The following TNPO3 variants were observed in gnomAD, a reference collection of about 807,000 sequenced individuals.
The protein encoded by TNPO3 is transportin-3.
Under a neutral mutation model 122.8 loss-of-function variants are expected in TNPO3, and 65 were observed. That is an observed-to-expected ratio of 0.53 (90% CI 0.43 to 0.65). The LOEUF (loss-of-function observed/expected upper bound fraction) is 0.65, where lower values mean the gene tolerates loss of function less well. TNPO3 is among the 30% of genes least tolerant of loss of function. The pLI, the probability that TNPO3 is intolerant of heterozygous loss-of-function variation, is 0.00. For synonymous variants in TNPO3, 372 were observed against 411.2 expected (o/e 0.90, Z 1.15); for missense variants, 850 against 1,136.7 (o/e 0.75, Z 3.63).
chr7:129,012,515 C>A (rs1803334907), intron 4 of TNPO3, among the ~76,000 whole-genome samples: 1 of 152,160 alleles, frequency 6.6e-6, no homozygotes, highest in Non-Finnish European at 1.5e-5. Flanking sequence ...GGAATGCTCA[C>A]TGGAGCATTT....
chr7:128,991,076 T>C (rs1269303171), intron 10 of TNPO3, among the ~76,000 whole-genome samples: 1 of 152,200 alleles, frequency 6.6e-6, no homozygotes, highest in Admixed American at 6.5e-5. Flanking sequence ...AACCAAGACA[T>C]ATTAGTTAGA....
chr7:128,991,638 G>C (rs1042155498), intron 10 of TNPO3, among the ~76,000 whole-genome samples: 6 of 152,062 alleles, frequency 3.9e-5, no homozygotes, highest in African/African-American at 1.4e-4. Context: ...CACAAAAGCA[G>C]GAAACCCAAA....
chr7:128,959,396 ATTGTG>A (rs1315702471), intron 21 of TNPO3, among the ~76,000 whole-genome samples: 4 of 152,174 alleles, frequency 2.6e-5, no homozygotes, highest in African/African-American at 9.7e-5. Flanking sequence ...ACAGGGTCTC[ATTGTG>A]TTGCCCAGGC....
intron 1 of TNPO3, among the ~76,000 whole-genome samples, chr7:129,040,883 T>A (rs1470414030): frequency 6.6e-6 from 1 of 152,216 alleles, no homozygotes; most frequent in Non-Finnish European, 1.5e-5. Flanking sequence ...TTTCAAATAC[T>A]GTATTAGTTT....
At chr7:129,030,278 A>G (rs867428760) in intron 1 of TNPO3, 1 of 253,512 alleles carries the variant, frequency 3.9e-6, no homozygotes, top group South Asian at 5.5e-5. Context: ...CCCAAAATAT[A>G]TGTAGGTAAT....
intron 1 of TNPO3, among the ~76,000 whole-genome samples, chr7:129,021,112 T>C (rs1428294389): frequency 2.6e-5 from 4 of 151,604 alleles, no homozygotes; most frequent in African/African-American, 9.7e-5. Flanking sequence ...TCCCAGCACT[T>C]TGGGAGGCTA....
intron 1 of TNPO3, among the ~76,000 whole-genome samples, chr7:129,049,000 A>G (rs953318272): frequency 2.6e-5 from 4 of 152,210 alleles, no homozygotes; most frequent in African/African-American, 7.2e-5. Flanking sequence ...AAACACAATG[A>G]AGTAAAGTTC....
chr7:128,970,502 T>C (rs1049143102), intron 19 of TNPO3, among the ~76,000 whole-genome samples, 187 bp from the exon 20 acceptor site: 2 of 152,254 alleles, frequency 1.3e-5, no homozygotes, highest in South Asian at 4.1e-4. Context: ...CAGAAGTTTT[T>C]TGTCTTTAGA....
chr7:128,976,899 A>G (rs1195041835), intron 16 of TNPO3, among the ~76,000 whole-genome samples: 2 of 152,260 alleles, frequency 1.3e-5, no homozygotes, highest in African/African-American at 2.4e-5. Context: ...TGCTCTACTA[A>G]GGAATGATTA....
At chr7:129,050,407 G>GC (rs79518897) in intron 1 of TNPO3, among the ~76,000 whole-genome samples, 1 of 141,652 alleles carries the variant, frequency 7.1e-6, no homozygotes, top group East Asian at 2.1e-4. Context: ...AAAAAGGGTG[G>GC]GGGGGGAATC....
At chr7:129,048,465 G>A (rs1355547328) in intron 1 of TNPO3, among the ~76,000 whole-genome samples, 1 of 152,144 alleles carries the variant, frequency 6.6e-6, no homozygotes, top group African/African-American at 2.4e-5. Flanking sequence ...AGGAGGCGGA[G>A]GTTGCAGTGA....
chr7:129,047,952 G>A (rs1250740302), intron 1 of TNPO3, among the ~76,000 whole-genome samples: 1 of 152,220 alleles, frequency 6.6e-6, no homozygotes, highest in Non-Finnish European at 1.5e-5. Context: ...CAGGCACAGT[G>A]ACTCATGTCT....
At chr7:129,019,988 T>C (rs182170662) in intron 1 of TNPO3, among the ~76,000 whole-genome samples, 2 of 151,750 alleles carry the variant, frequency 1.3e-5, no homozygotes, top group Admixed American at 1.3e-4. Context: ...AGTGAGACCC[T>C]AAAAAAACTT....
At chr7:129,041,128 G>C (rs1303547437) in intron 1 of TNPO3, among the ~76,000 whole-genome samples, 1 of 152,164 alleles carries the variant, frequency 6.6e-6, no homozygotes, top group Non-Finnish European at 1.5e-5. Flanking sequence ...GCTTTCAGAG[G>C]CCTAGGCAGG....
At chr7:128,964,818 G>T (rs947484045) in intron 21 of TNPO3, among the ~76,000 whole-genome samples, 2 of 152,092 alleles carry the variant, frequency 1.3e-5, no homozygotes, top group Admixed American at 6.6e-5. Flanking sequence ...TTTCAACAAG[G>T]ATGTCAAGAC....
chr7:129,002,054 G>A (rs539994906), intron 5 of TNPO3, among the ~76,000 whole-genome samples: 3 of 152,190 alleles, frequency 2.0e-5, no homozygotes, highest in Non-Finnish European at 4.4e-5. Flanking sequence ...ATAGTAAGGA[G>A]CAGAATTCAG....
intron 1 of TNPO3, among the ~76,000 whole-genome samples, chr7:129,053,881 A>T (rs1258749529): frequency 6.6e-6 from 1 of 152,224 alleles, no homozygotes; most frequent in Non-Finnish European, 1.5e-5. Context: ...TAAAACATGA[A>T]TCAAAGAATG....
At chr7:129,040,890 GT>G (rs1295141983) in intron 1 of TNPO3, among the ~76,000 whole-genome samples, 3 of 152,114 alleles carry the variant, frequency 2.0e-5, no homozygotes, top group Non-Finnish European at 2.9e-5. Context: ...TACTGTATTA[GT>G]TTTTTCAGAA....
intron 1 of TNPO3, among the ~76,000 whole-genome samples, chr7:129,032,478 A>C (rs1806066215): frequency 6.6e-6 from 1 of 152,238 alleles, no homozygotes; most frequent in Admixed American, 6.5e-5. Context: ...AAAAGATTCC[A>C]TAAGAAGACT....
Sources: gnomAD v4.1 joint callset for allele counts (sites outside exome capture counted in the v4.1 genomes callset) on GRCh38, gnomAD v4.1.1 for gene constraint, MANE v1.5 for transcripts, NCBI Gene and HGNC (gene_info 2026-07-23, HGNC 2026-07-21) for gene names.